Variants in PTPRD observed in about 807,000 individuals in gnomAD.
PTPRD encodes protein tyrosine phosphatase receptor type D.
PTPRD carries 34 observed loss-of-function variants against 214.5 expected under a neutral mutation model. The observed-to-expected ratio is 0.16, with a 90% CI of 0.12 to 0.21. PTPRD has a LOEUF of 0.21. PTPRD is among the 10% of genes least tolerant of loss of function. The pLI, the probability that PTPRD is intolerant of heterozygous loss-of-function variation, is 1.00. For synonymous variants in PTPRD, 1,128 were observed against 845.7 expected, an observed-to-expected ratio of 1.33 and a Z score of -5.79; for missense variants, 2,545 against 2,398.7, an observed-to-expected ratio of 1.06 and a Z score of -1.27.
At chr9:8,907,829 T>A (rs1314578525) in intron 11 of PTPRD, among the ~76,000 whole-genome samples, 2 of 151,972 alleles carry the variant, frequency 1.3e-5, no homozygotes, top group Non-Finnish European at 2.9e-5. Context: ...AGCAAGTGTA[T>A]TAATATACAT....
chr9:9,427,091 C>T (rs143579997), intron 8 of PTPRD, among the ~76,000 whole-genome samples: 5,160 of 152,138 alleles, frequency 0.034, 195 homozygotes, highest in African/African-American at 0.093. Flanking sequence ...AGGCTTCAGA[C>T]GATCGGTAAT....
intron 10 of PTPRD, among the ~76,000 whole-genome samples, chr9:9,095,426 T>C (rs905483730): frequency 1.5e-4 from 23 of 152,216 alleles, no homozygotes; most frequent in African/African-American, 5.5e-4. Flanking sequence ...AAATCAAATG[T>C]ATTTCAGTTG....
chr9:8,608,458 T>C (rs2095321559), intron 14 of PTPRD, among the ~76,000 whole-genome samples: 1 of 152,092 alleles, frequency 6.6e-6, no homozygotes, highest in African/African-American at 2.4e-5. Flanking sequence ...ATTTTAGCGC[T>C]CCCTGTTCAC....
intron 12 of PTPRD, among the ~76,000 whole-genome samples, chr9:8,679,808 T>C (rs1214107832): frequency 2.0e-5 from 3 of 152,232 alleles, no homozygotes; most frequent in Admixed American, 6.5e-5. Flanking sequence ...TTACAACTAC[T>C]TCTTTGGATA....
intron 14 of PTPRD, among the ~76,000 whole-genome samples, chr9:8,545,028 GCTT>G (rs998351146): frequency 2.0e-5 from 3 of 151,284 alleles, no homozygotes; most frequent in African/African-American, 7.3e-5. Context: ...CTTTCCTGGT[GCTT>G]CTTAATATGA....
At chr9:9,019,707 AAACAAC>A (rs930166808) in intron 10 of PTPRD, among the ~76,000 whole-genome samples, 1 of 152,168 alleles carries the variant, frequency 6.6e-6, no homozygotes, top group Admixed American at 6.6e-5. Flanking sequence ...CTCCGTTTCA[AAACAAC>A]AACAACAACA....
intron 2 of PTPRD, among the ~76,000 whole-genome samples, chr9:10,519,754 G>A (rs895629220): frequency 7.9e-5 from 12 of 151,722 alleles, no homozygotes; most frequent in Admixed American, 2.6e-4. Context: ...TATCTGTTAC[G>A]GTGATTTGTG....
intron 9 of PTPRD, among the ~76,000 whole-genome samples, chr9:9,340,311 T>C (rs772059468): frequency 3.4e-4 from 51 of 152,218 alleles, no homozygotes; most frequent in Non-Finnish European, 5.6e-4. Flanking sequence ...AATCCAAGAC[T>C]ATAATATGAA....
At chr9:9,723,534 T>C (rs770513790) in intron 7 of PTPRD, among the ~76,000 whole-genome samples, 2 of 152,108 alleles carry the variant, frequency 1.3e-5, no homozygotes, top group Non-Finnish European at 2.9e-5. Flanking sequence ...ATGTGAATTT[T>C]AGAATCAGCT....
chr9:8,688,518 T>A (rs1398141515), intron 12 of PTPRD, among the ~76,000 whole-genome samples: 1 of 147,026 alleles, frequency 6.8e-6, no homozygotes, highest in Admixed American at 6.9e-5. Context: ...TGAGCCGAGA[T>A]CGCACCACTG....
intron 5 of PTPRD, among the ~76,000 whole-genome samples, chr9:9,786,105 A>C (rs1443585981): frequency 1.3e-5 from 2 of 152,310 alleles, no homozygotes; most frequent in Non-Finnish European, 2.9e-5. Context: ...GTTTTCTATT[A>C]TTATATTTAC....
intron 7 of PTPRD, among the ~76,000 whole-genome samples, chr9:9,720,967 A>C (rs1686735675): frequency 6.6e-6 from 1 of 152,090 alleles, no homozygotes; most frequent in Non-Finnish European, 1.5e-5. Context: ...GGAACAACAC[A>C]CTGGAGACTA....
intron 3 of PTPRD, among the ~76,000 whole-genome samples, chr9:10,180,854 T>C (rs189781750): frequency 6.6e-6 from 1 of 151,972 alleles, no homozygotes; most frequent in Admixed American, 6.6e-5. Context: ...AATGATTTTA[T>C]GAAGTTAAAA....
chr9:9,955,065 G>A (rs139485234), intron 4 of PTPRD, among the ~76,000 whole-genome samples: 1 of 152,162 alleles, frequency 6.6e-6, no homozygotes, highest in African/African-American at 2.4e-5. Flanking sequence ...GCATTTTAGT[G>A]AAGTAAAGAA....
Position 9,833,685 on chromosome 9 carries a change from G to GC in PTPRD, c.-367-66835_-367-66834insG, listed in dbSNP as rs1199062607. The stretch of plus-strand genomic sequence containing the variant: ...TAAGAGACAGGTACGCTCCGGAGAG[G>GC]GGGGCAGTTCAGAGACCTACCCCTA... On this transcript the variant is annotated intron_variant, in intron 5 of 45. Coordinates refer to ENST00000381196, the MANE Select transcript of PTPRD (RefSeq NM_002839.4). Among the ~76,000 whole-genome samples, 5 of 146,236 alleles carry GC rather than the reference G, an allele frequency of 3.4e-5. No homozygotes were observed. The South Asian group carries it at 8.6e-4, about 25-fold the overall frequency.
chr9:10,373,161 T>A (rs1359089), intron 2 of PTPRD, among the ~76,000 whole-genome samples: 96,477 of 146,948 alleles, frequency 0.66, 32,846 homozygotes, highest in Non-Finnish European at 0.77. Flanking sequence ...AAAAAAAAAA[T>A]TGATGAAGTT....
intron 11 of PTPRD, among the ~76,000 whole-genome samples, chr9:8,776,218 A>T (rs1243704798): frequency 6.6e-6 from 1 of 152,196 alleles, no homozygotes; most frequent in African/African-American, 2.4e-5. Flanking sequence ...ACCCTGCACA[A>T]GGCATACAAC....
chr9:9,912,761 A>G (rs924247031), intron 5 of PTPRD, among the ~76,000 whole-genome samples: 1 of 152,202 alleles, frequency 6.6e-6, no homozygotes, highest in Non-Finnish European at 1.5e-5. Flanking sequence ...GATATTCCCT[A>G]GACTATCCAG....
chr9:9,979,405 T>C (rs1029621385), intron 4 of PTPRD, among the ~76,000 whole-genome samples: 64 of 152,148 alleles, frequency 4.2e-4, no homozygotes, highest in African/African-American at 1.5e-3. Flanking sequence ...TGGAAAAATA[T>C]ACAAAAATTG....
Sources: gnomAD v4.1 joint callset for allele counts (sites outside exome capture counted in the v4.1 genomes callset) on GRCh38, gnomAD v4.1.1 for gene constraint, MANE v1.5 for transcripts, NCBI Gene and HGNC (gene_info 2026-07-23, HGNC 2026-07-21) for gene names.